PELP1: variants seen among roughly 807,000 people sequenced by gnomAD.
PELP1 encodes proline, glutamate and leucine rich protein 1.
Under a neutral mutation model 95.5 loss-of-function variants are expected in PELP1, and 32 were observed. That is an observed-to-expected ratio of 0.34 (90% CI 0.25 to 0.45). PELP1 has a LOEUF of 0.45. Among genes scored for constraint, PELP1 ranks in the 20% least tolerant of loss-of-function variants. PELP1 has a pLI of 1.00. For missense variants in PELP1, 1,358 were observed against 1,444.8 expected (o/e 0.94, Z 0.97); for synonymous variants, 668 against 600.1 (o/e 1.11, Z -1.65).
At position 4,671,938 on chromosome 17, in the gene PELP1, CGCTCCTCCTCCGTCCCTG is replaced by C; in HGVS notation, c.3035_3052del (p.Pro1012_Glu1017del). ...CAGGGTGGGAGCTGTGTCAGCCCCA[CGCTCCTCCTCCGTCCCTG>C]GCTCCTCCACTTCCAAAAGCAGCCC... On this transcript the variant is annotated inframe_deletion, in exon 16 of 17. Transcript: ENST00000572293. The C allele has an allele frequency of 6.6e-7, 1 of 1,523,838 alleles. No individual in the cohort carries two copies. The highest frequency in any genetic ancestry group is 1.3e-5 in the South Asian group (1 of 74,112). The allele number at this position is 1,523,838 out of a possible 1,614,324, so 94.4% of individuals were successfully genotyped here.
In PELP1 at chr17:4,673,474, C is replaced by T. The variant is rs775685912; in HGVS notation, c.1639-18G>A. 4 of 1,580,062 alleles carry T rather than the reference C, an allele frequency of 2.5e-6. No individual in the cohort carries two copies. The highest frequency in any genetic ancestry group is 3.4e-6 in the Non-Finnish European group (4 of 1,160,040). ...TGCAGTCTCTGAAAAGGACAGAGCA[C>T]ACCTGGAAACATCCCCAAGACCACC... On this transcript the variant is annotated intron_variant, in intron 14 of 16. Transcript: ENST00000572293. The surrounding 1 kb of genome is among the most constrained non-coding windows in gnomAD (Gnocchi z 5.7).
chr17:4,701,007 A>G (rs1160678025), intron 1 of PELP1, among the ~76,000 whole-genome samples: 1 of 149,242 alleles, frequency 6.7e-6, no homozygotes, highest in East Asian at 1.9e-4. Flanking sequence ...AAAAAAAAAA[A>G]AAAAAAAAGC....
At chr17:4,701,054 TTCAC>T (rs1368151885) in intron 1 of PELP1, among the ~76,000 whole-genome samples, 1 of 144,024 alleles carries the variant, frequency 6.9e-6, no homozygotes, top group Non-Finnish European at 1.5e-5. Context: ...TTGGCAAACG[TTCAC>T]TGTTAAATTT....
rs1209237773 is a variant in PELP1 at position 4,699,073 on chromosome 17, A to G, written c.249+4790T>C. 2.0e-5 allele frequency among the ~76,000 whole-genome samples: 3 copies of G among 152,214 alleles called. No homozygotes were observed. In the East Asian group the frequency reaches 5.8e-4, roughly 29 times the overall value. ...ATCTGTCATTATCAGAATAACATAA[A>G]TATGCATTTAAAAACTGAAGAATCC... On this transcript the variant is annotated intron_variant, in intron 1 of 16. Transcript: ENST00000572293.
chr17:4,696,586 T>C (rs9903855), intron 1 of PELP1: 148,854 of 152,264 alleles, frequency 0.98, 72,843 homozygotes, highest in Middle Eastern at 1. Context: ...ATCTGACTTC[T>C]GGTTTGCTTT....
intron 5 of PELP1, 117 bp downstream of exon 5, chr17:4,682,385 G>C: frequency 1.4e-6 from 1 of 706,390 alleles, no homozygotes; most frequent in Non-Finnish European, 2.5e-6. Flanking sequence ...TACTTGTGGA[G>C]ATAGGTAACT....
At chr17:4,702,207 T>C (rs753397682) in intron 1 of PELP1, among the ~76,000 whole-genome samples, 2 of 152,120 alleles carry the variant, frequency 1.3e-5, no homozygotes, top group Non-Finnish European at 2.9e-5. Context: ...TCGCCTGAAC[T>C]CGGGACTTTG....
Position 4,671,862 on chromosome 17 carries a change from G to C in PELP1, c.3129C>G (p.Ser1043Arg). 1 of 1,513,178 alleles carries C rather than the reference G, an allele frequency of 6.6e-7. No homozygotes were observed. Among genetic ancestry groups the C allele is most frequent in the Non-Finnish European group, 8.8e-7 (1 of 1,134,780 alleles). 93.7% of individuals were successfully genotyped at this position (1,513,178 alleles called of 1,614,324 possible). ...SQGEVEREGE[S>R]PAAGPPPQEL... ...CCTGGGGAGGGGGCCCTGCCGCAGG[G>C]CTTTCCCCTTCCCTCTCCACCTCTC... Residue 1043 changes from serine (S) to arginine (R), a missense_variant, in exon 16 of 17, where the codon AGC becomes AGG. Around this residue, in one of 7 missense-constraint regions of PELP1, gnomAD observed 283 missense variants for 284.1 expected, o/e 1.00. Transcript: ENST00000572293.
At chr17:4,682,447 A>G (rs534865452) in intron 5 of PELP1, 55 bp downstream of exon 5, 1 of 1,135,868 alleles carries the variant, frequency 8.8e-7, no homozygotes, top group Non-Finnish European at 1.3e-6. Flanking sequence ...CAGGAATCTG[A>G]GGTAAGAGCT....
At chr17:4,692,125 T>C (rs925636480) in intron 1 of PELP1, among the ~76,000 whole-genome samples, 1 of 152,188 alleles carries the variant, frequency 6.6e-6, no homozygotes, top group African/African-American at 2.4e-5. Flanking sequence ...ATAAAATTAA[T>C]AAGGTCTCTC....
At chr17:4,682,768 G>C in intron 4 of PELP1, 35 bp downstream of exon 4, 1 of 1,538,284 alleles carries the variant, frequency 6.5e-7, no homozygotes, top group South Asian at 1.3e-5. Flanking sequence ...AGGACTGCGG[G>C]GGGCCATGGG....
In PELP1 at chr17:4,676,485, C is replaced by T. The variant is rs746811925; in HGVS notation, c.725G>A (p.Arg242Gln). Residue 242 changes from arginine to glutamine, a missense_variant, in exon 7 of 17, where the codon CGG becomes CAG. Arg to Gln is a conservative substitution (Grantham distance 43, BLOSUM62 1). Transcript: ENST00000572293. Reference protein sequence around the residue: ...LQQLACECYSRLPSLGAGFSQ... With the variant: ...LQQLACECYSQLPSLGAGFSQ... The stretch of plus-strand genomic sequence containing the variant: ...AAAGCCAGCCCCTAAAGAGGGCAGC[C>T]GGGAATAACACTCACAGGCCAACTG... The T allele has an allele frequency of 1.1e-5, 18 of 1,613,582 alleles. No individual in the cohort carries two copies. Among genetic ancestry groups the T allele is most frequent in the South Asian group, 4.4e-5 (4 of 91,052 alleles).
Position 4,674,608 on chromosome 17 carries a change from T to C in PELP1, c.1484A>G (p.Lys495Arg), listed in dbSNP as rs1912376462. The change falls in exon 13 of 17, where the codon AAG becomes AGG. Residue 495 changes from lysine (K) to arginine (R), a missense_variant. This residue lies in a region of PELP1 where 538 missense variants were observed against 628.1 expected (regional missense o/e 0.86). Coordinates refer to ENST00000572293, the MANE Select transcript of PELP1 (RefSeq NM_014389.3). Reference sequence around the variant, plus strand: ...TTCCCCCACATCCAGCTTTAGCTTCTTGGGGGCGCTAGGCTTCCCAGTCTG... The same window carrying C: ...TTCCCCCACATCCAGCTTTAGCTTCCTGGGGGCGCTAGGCTTCCCAGTCTG... ...SLQTGKPSAP[K>R]KLKLDVGEAM... is the part of the protein sequence containing the mutation. 1.9e-6 allele frequency: 3 copies of C among 1,608,532 alleles called. No individual in the cohort carries two copies. The highest frequency in any genetic ancestry group is 1.7e-5 in the Admixed American group (1 of 57,748).
intron 1 of PELP1, among the ~76,000 whole-genome samples, chr17:4,692,898 T>C (rs1337363487): frequency 2.0e-5 from 3 of 151,996 alleles, no homozygotes; most frequent in African/African-American, 7.3e-5. Context: ...TCATCCCAGC[T>C]ACTCGGGAGG....
At position 4,673,410 on chromosome 17, in the gene PELP1, C is replaced by A; in HGVS notation, c.1685G>T (p.Gly562Val). The A allele has an allele frequency of 6.3e-7, 1 of 1,595,820 alleles. No individual in the cohort carries two copies. Among genetic ancestry groups the A allele is most frequent in the Non-Finnish European group, 8.5e-7 (1 of 1,171,798 alleles). ...GTACGGGGAGCTGCCTAGGACCTCA[C>A]CCTGCTGTACACCCATGACCAGGGG... ...VLPLVMGVQQ[G>V]EVLGSSPYTS... The change falls in exon 15 of 17, where the codon GGT becomes GTT. Residue 562 changes from glycine (G) to valine (V), a missense_variant. By Grantham distance (109) the Gly-to-Val change is moderately radical. Around this residue, in one of 7 missense-constraint regions of PELP1, gnomAD observed 538 missense variants for 628.1 expected, o/e 0.86. Coordinates refer to ENST00000572293, the MANE Select transcript of PELP1 (RefSeq NM_014389.3). This position sits in a 1 kb window ranked among gnomAD's most constrained non-coding sequence, Gnocchi z 5.7.
At chr17:4,678,378 C>T (rs749304271) in intron 5 of PELP1, among the ~76,000 whole-genome samples, 1 of 151,830 alleles carries the variant, frequency 6.6e-6, no homozygotes, top group African/African-American at 2.4e-5. Flanking sequence ...GGGAGACTGA[C>T]GTGGGAGGAT....
chr17:4,679,724 A>C (rs769380082), intron 5 of PELP1, among the ~76,000 whole-genome samples: 6 of 152,334 alleles, frequency 3.9e-5, no homozygotes, highest in Non-Finnish European at 8.8e-5. Flanking sequence ...GCTAATCTTT[A>C]ATAAAATCGA....
chr17:4,695,349 ATT>A (rs1898678025), intron 1 of PELP1, among the ~76,000 whole-genome samples: 2 of 151,992 alleles, frequency 1.3e-5, no homozygotes, highest in South Asian at 4.1e-4. Flanking sequence ...AAATGGCTAA[ATT>A]GTATGGTTTG....
intron 5 of PELP1, among the ~76,000 whole-genome samples, chr17:4,677,880 T>C (rs1912547047): frequency 6.6e-6 from 1 of 151,294 alleles, no homozygotes; most frequent in African/African-American, 2.4e-5. Flanking sequence ...CCAGTCAGTG[T>C]ACTCTAGCCT....
Sources: allele counts gnomAD v4.1 joint callset (sites outside exome capture counted in the v4.1 genomes callset), GRCh38; gene constraint gnomAD v4.1.1; regional missense constraint gnomAD v4.1.1; non-coding constraint Gnocchi (gnomAD v3.1); transcripts MANE v1.5; gene names NCBI Gene and HGNC (gene_info 2026-07-23, HGNC 2026-07-21).